ADAMTS12: variants seen among roughly 807,000 people sequenced by gnomAD.
The protein encoded by ADAMTS12 is ADAM metallopeptidase with thrombospondin type 1 motif 12, also known as A disintegrin and metalloproteinase with thrombospondin motifs 12.
In ADAMTS12, 118 loss-of-function variants were observed where a neutral mutation model predicts 167.8. The observed-to-expected ratio is 0.70, with a 90% CI of 0.61 to 0.82. The LOEUF (loss-of-function observed/expected upper bound fraction) is 0.82. Among genes scored for constraint, ADAMTS12 ranks in the 40% least tolerant of loss-of-function variants. ADAMTS12 has a pLI of 0.00. For missense variants in ADAMTS12, 1,916 were observed against 1,998.8 expected (o/e 0.96, Z 0.79); for synonymous variants, 704 against 716.9 (o/e 0.98, Z 0.29).
chr5:33,788,610 A>G (rs544407262), intron 2 of ADAMTS12, among the ~76,000 whole-genome samples: 1 of 152,308 alleles, frequency 6.6e-6, no homozygotes, highest in African/African-American at 2.4e-5. Flanking sequence ...GGCATGATGA[A>G]GAGAAACACT....
At chr5:33,678,304 T>G (rs1741990779) in intron 5 of ADAMTS12, among the ~76,000 whole-genome samples, 1 of 152,240 alleles carries the variant, frequency 6.6e-6, no homozygotes, top group Non-Finnish European at 1.5e-5. Context: ...GCACACTTTC[T>G]CCTATTTAGT....
Position 33,641,905 on chromosome 5 carries a change from A to C in ADAMTS12, c.1623T>G (p.Ile541Met). 6.2e-7 allele frequency: 1 copy of C among 1,613,780 alleles called. No homozygotes were observed. Among genetic ancestry groups the C allele is most frequent in the Non-Finnish European group, 8.5e-7 (1 of 1,179,760 alleles). Residue 541 changes from isoleucine to methionine, a missense_variant, in exon 11 of 24, where the codon ATT becomes ATG. Ile to Met is a conservative substitution (Grantham distance 10, BLOSUM62 1). Transcript: ENST00000504830. Reference sequence around the variant, plus strand: ...GTGACCAGCGGCCCCAGCCTCCAGGAATGCTCTCTGGTTTCTTCCCCACTG... The same window carrying C: ...GTGACCAGCGGCCCCAGCCTCCAGGCATGCTCTCTGGTTTCTTCCCCACTG... ...CITVGKKPES[I>M]PGGWGRWSPW...
chr5:33,831,028 TACAA>T (rs1238527723), intron 2 of ADAMTS12, among the ~76,000 whole-genome samples: 2 of 152,142 alleles, frequency 1.3e-5, no homozygotes, highest in East Asian at 1.9e-4. Flanking sequence ...ATGGCTATGC[TACAA>T]ACAGACTCTT....
intron 22 of ADAMTS12, among the ~76,000 whole-genome samples, chr5:33,541,496 A>G (rs1489566748): frequency 6.6e-6 from 1 of 152,088 alleles, no homozygotes; most frequent in Non-Finnish European, 1.5e-5. Context: ...CCACAAAGAT[A>G]CTCCTCGAGA....
rs61754760 is a variant in ADAMTS12 at position 33,683,043 on chromosome 5, C to T, written c.890G>A (p.Arg297Gln). Residue 297 changes from arginine (R) to glutamine (Q), a missense_variant, in exon 5 of 24, where the codon CGG becomes CAG. Arg to Gln is a conservative substitution (Grantham distance 43). Coordinates refer to ENST00000504830, the MANE Select transcript of ADAMTS12 (RefSeq NM_030955.4). ...CTCTTCTTCTTCGAGTAGAATGAGC[C>T]GAACCACAACAATGTGAATTGCATT... The part of the protein sequence containing the change: ...IGNAIHIVVV[R>Q]LILLEEEEQG... 19 of 1,612,364 alleles carry T rather than the reference C, an allele frequency of 1.2e-5. No individual in the cohort carries two copies. The highest frequency in any genetic ancestry group is 2.7e-5 in the African/African-American group (2 of 74,776).
chr5:33,620,270 C>T (rs1242981846), intron 14 of ADAMTS12, among the ~76,000 whole-genome samples: 1 of 152,254 alleles, frequency 6.6e-6, no homozygotes, highest in African/African-American at 2.4e-5. Context: ...TGACTTTTCT[C>T]TGCTTCTTGG....
At chr5:33,786,510 T>C (rs542402449) in intron 2 of ADAMTS12, among the ~76,000 whole-genome samples, 2 of 152,098 alleles carry the variant, frequency 1.3e-5, no homozygotes, top group African/African-American at 2.4e-5. Context: ...GAATAAATAT[T>C]AGAAGTTGAA....
intron 2 of ADAMTS12, among the ~76,000 whole-genome samples, chr5:33,782,546 C>T (rs1338175529): frequency 6.6e-6 from 1 of 151,850 alleles, no homozygotes; most frequent in Non-Finnish European, 1.5e-5. Flanking sequence ...CTACAAGAAA[C>T]ACACATTATA....
intron 2 of ADAMTS12, among the ~76,000 whole-genome samples, chr5:33,854,896 T>A (rs1407984940): frequency 6.6e-6 from 1 of 151,774 alleles, no homozygotes; most frequent in Admixed American, 6.6e-5. Flanking sequence ...GGGGGCAGAG[T>A]CAGGGGATAA....
intron 2 of ADAMTS12, among the ~76,000 whole-genome samples, chr5:33,841,740 G>A (rs889643181): frequency 1.3e-5 from 2 of 152,166 alleles, no homozygotes; most frequent in African/African-American, 4.8e-5. Context: ...CCATCAATGG[G>A]ACTGCTATGC....
At chr5:33,595,817 T>C in intron 17 of ADAMTS12, 117 bp downstream of exon 17, 4 of 1,454,112 alleles carry the variant, frequency 2.8e-6, no homozygotes. Context: ...CGCGTTCTTG[T>C]ATTTATCCAA....
At chr5:33,578,749 C>G (rs75396177) in intron 18 of ADAMTS12, among the ~76,000 whole-genome samples, 9,653 of 152,242 alleles carry the variant, frequency 0.063, 356 homozygotes, top group Non-Finnish European at 0.081. Flanking sequence ...CAAACATAAT[C>G]ACTTACTGAT....
chr5:33,846,695 T>C (rs1176970285), intron 2 of ADAMTS12, among the ~76,000 whole-genome samples: 2 of 152,202 alleles, frequency 1.3e-5, no homozygotes, highest in African/African-American at 2.4e-5. Context: ...TCCTCAATAG[T>C]AGTAAACACC....
chr5:33,766,707 CT>C (rs1745548129), intron 2 of ADAMTS12, among the ~76,000 whole-genome samples: 1 of 151,940 alleles, frequency 6.6e-6, no homozygotes, highest in Non-Finnish European at 1.5e-5. Flanking sequence ...AGAACTCATT[CT>C]TTTTTAATTA....
intron 2 of ADAMTS12, among the ~76,000 whole-genome samples, chr5:33,849,343 A>AATATATATATGTATTGAATAGCAAT (rs1554047329): frequency 2.3e-5 from 3 of 130,290 alleles, no homozygotes; most frequent in East Asian, 7.9e-4. Flanking sequence ...ATTGAATAGC[A>AATATATATATGTATTGAATAGCAAT]ATATATATAT....
At chr5:33,529,841 T>C (rs540457441) in intron 23 of ADAMTS12, among the ~76,000 whole-genome samples, 3 of 152,202 alleles carry the variant, frequency 2.0e-5, no homozygotes, top group Non-Finnish European at 1.5e-5. Flanking sequence ...AGGCCTCTTC[T>C]TTAAGCCTCT....
At position 33,863,146 on chromosome 5, in the gene ADAMTS12, C is replaced by T. The variant is rs553713744; in HGVS notation, c.489+17973G>A. Among the ~76,000 whole-genome samples, 30 of 152,240 alleles carry T rather than the reference C, an allele frequency of 2.0e-4. No homozygotes were observed. In the South Asian group the frequency reaches 3.7e-3, roughly 19 times the overall value. On this transcript the variant is annotated intron_variant, in intron 2 of 23. Coordinates refer to ENST00000504830, the MANE Select transcript of ADAMTS12 (RefSeq NM_030955.4). ...GAAAACCGGCACAAGACAAGGATGCCCTCTCTCACCACTCCTATTCAACAT... is the reference window on the plus strand; with the variant it reads ...GAAAACCGGCACAAGACAAGGATGCTCTCTCTCACCACTCCTATTCAACAT...
At chr5:33,815,911 A>G (rs763228663) in intron 2 of ADAMTS12, among the ~76,000 whole-genome samples, 17 of 152,176 alleles carry the variant, frequency 1.1e-4, no homozygotes, top group African/African-American at 3.6e-4. Flanking sequence ...ACATACCAAG[A>G]AAATGTCCAG....
At chr5:33,787,495 A>C (rs1318768986) in intron 2 of ADAMTS12, among the ~76,000 whole-genome samples, 1 of 152,228 alleles carries the variant, frequency 6.6e-6, no homozygotes, top group African/African-American at 2.4e-5. Context: ...TCACGAGAAC[A>C]TGTTTCTTGA....
Sources: allele counts gnomAD v4.1 joint callset (sites outside exome capture counted in the v4.1 genomes callset), GRCh38; gene constraint gnomAD v4.1.1; transcripts MANE v1.5; gene names NCBI Gene and HGNC (gene_info 2026-07-23, HGNC 2026-07-21).